The following RGS7 variants were observed in gnomAD, a reference collection of about 807,000 sequenced individuals.
RGS7 encodes the protein regulator of G-protein signaling 7.
A neutral mutation model predicts 81.1 loss-of-function variants in RGS7; 27 were observed. That is an observed-to-expected ratio of 0.33 (90% CI 0.25 to 0.46). RGS7 has a LOEUF of 0.46. Ranked by LOEUF, RGS7 falls within the 20% of genes least tolerant of loss-of-function variation. RGS7 has a pLI of 1.00. For missense variants in RGS7, 396 were observed against 607.4 expected (o/e 0.65, Z 3.66); for synonymous variants, 208 against 207.7 (o/e 1.00, Z -0.01).
chr1:240,868,831 T>C lies in RGS7; in HGVS notation c.472A>G (p.Arg158Gly). 1 of 1,614,072 alleles carries C rather than the reference T, an allele frequency of 6.2e-7. No individual in the cohort carries two copies. Residue 158 changes from arginine (R) to glycine (G), a missense_variant, in exon 8 of 19, where the codon AGA becomes GGA. Arg to Gly is a moderately radical substitution (Grantham distance 125, BLOSUM62 -2). Coordinates refer to ENST00000440928, the MANE Select transcript of RGS7 (RefSeq NM_001364886.1). This position sits in a 1 kb window ranked among gnomAD's most constrained non-coding sequence, Gnocchi z 5.1. The stretch of plus-strand genomic sequence containing the variant: ...AACTCCCACTTCCGGGCAAATGCTC[T>C]CTGCAGCCTGGCCAGGCTCTCCTGA... ...YEAESLARLQ[R>G]AFARKWEFIF...
chr1:241,207,135 A>T, intron 2 of RGS7, among the ~76,000 whole-genome samples: 1 of 150,670 alleles, frequency 6.6e-6, no homozygotes. Flanking sequence ...CGCCCGGCTA[A>T]TTTTTGTATT....
At chr1:241,266,405 G>A (rs958763771) in intron 2 of RGS7, among the ~76,000 whole-genome samples, 1 of 152,146 alleles carries the variant, frequency 6.6e-6, no homozygotes, top group Non-Finnish European at 1.5e-5. Context: ...ACCCCCCTAA[G>A]ATCATGGAGT....
chr1:240,839,105 A>T (rs996711152), intron 9 of RGS7, among the ~76,000 whole-genome samples: 1 of 152,188 alleles, frequency 6.6e-6, no homozygotes, highest in African/African-American at 2.4e-5. Flanking sequence ...ATGAGGCTAG[A>T]TGATCCCAAC....
intron 2 of RGS7, among the ~76,000 whole-genome samples, chr1:241,138,183 A>C (rs1370707336): frequency 1.3e-5 from 2 of 151,878 alleles, no homozygotes; most frequent in Admixed American, 6.6e-5. Context: ...AAAACAAAAA[A>C]AAAAAAAAAA....
chr1:241,098,535 C>T lies in RGS7; in HGVS notation c.175+131G>A. Reference sequence around the variant, plus strand: ...AGTGTTTCACATGATAAATATACCACAGGCATTTTATAAGTAGTTACTGAA... The same window carrying T: ...AGTGTTTCACATGATAAATATACCATAGGCATTTTATAAGTAGTTACTGAA... On this transcript the variant is annotated intron_variant, in intron 3 of 18. Transcript: ENST00000440928. The T allele has an allele frequency of 9.8e-6, 7 of 711,814 alleles. No homozygotes were observed. The South Asian group carries it at 1.1e-4, about 11-fold the overall frequency. The allele number at this position is 711,814 out of a possible 1,614,324, so 44.1% of individuals were successfully genotyped here. A position where few individuals can be genotyped will look rare whatever the true frequency, so the allele number is the denominator to read the frequency against.
chr1:241,153,844 TG>T (rs1371425573), intron 2 of RGS7, among the ~76,000 whole-genome samples: 1 of 152,206 alleles, frequency 6.6e-6, no homozygotes, highest in African/African-American at 2.4e-5. Flanking sequence ...TAGGCTGAGA[TG>T]GGAAGGAAGG....
At chr1:241,186,239 TC>T (rs2072087326) in intron 2 of RGS7, among the ~76,000 whole-genome samples, 1 of 152,222 alleles carries the variant, frequency 6.6e-6, no homozygotes, top group South Asian at 2.1e-4. Context: ...TTATGCTCAC[TC>T]AAAAACCTGC....
At chr1:241,158,580 G>GATGA (rs140250505) in intron 2 of RGS7, among the ~76,000 whole-genome samples, 1 of 152,342 alleles carries the variant, frequency 6.6e-6, no homozygotes, top group African/African-American at 2.4e-5. Context: ...ATGTTAAATA[G>GATGA]ATGAATGCAT....
chr1:241,065,256 A>T (rs1001031138), intron 3 of RGS7, among the ~76,000 whole-genome samples: 4 of 142,414 alleles, frequency 2.8e-5, no homozygotes, highest in African/African-American at 5.7e-5. Context: ...ATATTAAAAG[A>T]TATATCTGTA....
At position 240,801,443 on chromosome 1, in the gene RGS7, A is replaced by C; in HGVS notation, c.1413+12T>G. ...CTTAATGATTCATAATTCCTCAAAAAATTAAACTTACCACATTCTGTGCAA... is the reference window on the plus strand; with the variant it reads ...CTTAATGATTCATAATTCCTCAAAACATTAAACTTACCACATTCTGTGCAA... On this transcript the variant is annotated intron_variant, in intron 17 of 18. Coordinates refer to ENST00000440928, the MANE Select transcript of RGS7 (RefSeq NM_001364886.1). 1 of 1,575,534 alleles carries C rather than the reference A, an allele frequency of 6.3e-7. No homozygotes were observed.
intron 2 of RGS7, among the ~76,000 whole-genome samples, chr1:241,307,386 A>AT (rs2080242695): frequency 6.6e-6 from 1 of 152,222 alleles, no homozygotes; most frequent in African/African-American, 2.4e-5. Flanking sequence ...TGCATATTAT[A>AT]TTTTTTAAAA....
chr1:240,822,338 A>G (rs1271521367), intron 10 of RGS7, among the ~76,000 whole-genome samples: 1 of 152,252 alleles, frequency 6.6e-6, no homozygotes, highest in East Asian at 1.9e-4. Context: ...TTAAAAAACA[A>G]CAACAACAGA....
intron 4 of RGS7, among the ~76,000 whole-genome samples, chr1:240,971,775 T>C (rs994692346): frequency 1.6e-4 from 24 of 152,212 alleles, no homozygotes; most frequent in African/African-American, 5.5e-4. Context: ...AATGTTTTTA[T>C]ATAGTGGTCT....
chr1:240,805,521 T>G (rs546085066), intron 15 of RGS7, among the ~76,000 whole-genome samples: 16 of 152,312 alleles, frequency 1.1e-4, no homozygotes, highest in South Asian at 4.1e-4. Context: ...AAGATCCAGT[T>G]TGAGAAAAGA....
At chr1:241,091,732 A>T (rs1015252602) in intron 3 of RGS7, among the ~76,000 whole-genome samples, 2 of 151,762 alleles carry the variant, frequency 1.3e-5, no homozygotes, top group Admixed American at 1.3e-4. Context: ...CAAAAAGTTT[A>T]AAAAATTAGC....
intron 4 of RGS7, among the ~76,000 whole-genome samples, chr1:240,939,810 C>T (rs1400427526): frequency 1.3e-5 from 2 of 152,046 alleles, no homozygotes; most frequent in East Asian, 3.9e-4. Context: ...GTGGCTCATG[C>T]CTGTAATCCC....
chr1:240,919,702 C>T (rs2148293986), intron 6 of RGS7: 1 of 598,596 alleles, frequency 1.7e-6, no homozygotes, highest in Admixed American at 2.8e-5. Flanking sequence ...GGAAGCTCTT[C>T]ATTGGAGGGC....
chr1:240,826,167 T>G (rs998892085), intron 10 of RGS7, among the ~76,000 whole-genome samples: 2 of 152,192 alleles, frequency 1.3e-5, no homozygotes, highest in Admixed American at 1.3e-4. Context: ...GGAGAGTTCC[T>G]ACGGGCAGAA....
intron 2 of RGS7, among the ~76,000 whole-genome samples, chr1:241,230,277 G>A (rs1268064187): frequency 1.3e-5 from 2 of 150,986 alleles, no homozygotes; most frequent in Non-Finnish European, 3.0e-5. Context: ...GCAGTGGTGT[G>A]ATCTCGGCTC....
Sources: gnomAD v4.1 joint callset for allele counts (sites outside exome capture counted in the v4.1 genomes callset) on GRCh38, gnomAD v4.1.1 for gene constraint, Gnocchi (gnomAD v3.1) non-coding constraint, MANE v1.5 for transcripts, NCBI Gene and HGNC (gene_info 2026-07-23, HGNC 2026-07-21) for gene names.